Variants in UGP2 observed in about 807,000 individuals in gnomAD.
The protein encoded by UGP2 is UTP--glucose-1-phosphate uridylyltransferase.
UGP2 carries 40 observed loss-of-function variants against 49.0 expected under a neutral mutation model. The ratio of observed to expected loss-of-function variants is 0.82; its 90% confidence interval spans 0.63 to 1.06. UGP2 has a LOEUF of 1.06. Ranked by LOEUF, UGP2 falls within the 50% of genes least tolerant of loss-of-function variation. The pLI, the probability that UGP2 is intolerant of heterozygous loss-of-function variation, is 0.00. For missense variants in UGP2, 460 were observed against 603.5 expected, an observed-to-expected ratio of 0.76 and a Z score of 2.49; for synonymous variants, 225 against 213.0, an observed-to-expected ratio of 1.06 and a Z score of -0.49.
At chr2:63,883,778 A>C (rs1671479224) in intron 4 of UGP2, among the ~76,000 whole-genome samples, 182 bp from the exon 5 acceptor site, 1 of 152,238 alleles carries the variant, frequency 6.6e-6, no homozygotes. Context: ...GAGCAAGTGC[A>C]TGGTGAATTG....
chr2:63,880,739 A>G (rs960317448), intron 3 of UGP2, among the ~76,000 whole-genome samples: 1 of 152,014 alleles, frequency 6.6e-6, no homozygotes, highest in Admixed American at 6.5e-5. Flanking sequence ...AGTTGTTATC[A>G]CCCCTGCGTT....
intron 3 of UGP2, among the ~76,000 whole-genome samples, chr2:63,877,823 C>G (rs1349459793): frequency 6.6e-6 from 1 of 151,010 alleles, no homozygotes; most frequent in African/African-American, 2.4e-5. Flanking sequence ...GAAACCCCGT[C>G]TCTACTAAAA....
intron 3 of UGP2, 32 bp downstream of exon 3, chr2:63,857,968 G>A (rs1277192658): frequency 6.2e-7 from 1 of 1,600,936 alleles, no homozygotes; most frequent in East Asian, 2.2e-5. Flanking sequence ...GGAAAATGTA[G>A]GGTAATCTTG....
At chr2:63,871,331 G>A (rs1021015626) in intron 3 of UGP2, among the ~76,000 whole-genome samples, 1 of 152,080 alleles carries the variant, frequency 6.6e-6, no homozygotes, top group Non-Finnish European at 1.5e-5. Flanking sequence ...TACTGCCCAG[G>A]CTGGAGTGCA....
intron 1 of UGP2, among the ~76,000 whole-genome samples, chr2:63,852,503 G>C (rs2104263449): frequency 6.6e-6 from 1 of 152,298 alleles, no homozygotes. Flanking sequence ...CTTCAGCTTG[G>C]CTTTTGAGAC....
chr2:63,842,425 T>C, intron 1 of UGP2: 2 of 1,565,598 alleles, frequency 1.3e-6, no homozygotes, highest in Admixed American at 1.9e-5. Context: ...TAGTTTTGCC[T>C]CCCTGAAATC....
At chr2:63,886,224 T>G in intron 6 of UGP2, 117 bp from the exon 7 acceptor site, 2 of 1,044,678 alleles carry the variant, frequency 1.9e-6, no homozygotes, top group Admixed American at 4.5e-5. Context: ...TTATGAAAAT[T>G]TACTCTGTTT....
chr2:63,851,529 C>T (rs1241091703), intron 1 of UGP2, among the ~76,000 whole-genome samples: 1 of 152,108 alleles, frequency 6.6e-6, no homozygotes, highest in African/African-American at 2.4e-5. Flanking sequence ...CAGTTTGAGT[C>T]TTTGGGGATT....
chr2:63,855,648 C>A (rs1669361531), intron 1 of UGP2: 1 of 437,406 alleles, frequency 2.3e-6, no homozygotes, highest in South Asian at 1.6e-5. Flanking sequence ...CTCAAGGTAT[C>A]CTCCTGCTTC....
At position 63,886,433 on chromosome 2, in the gene UGP2, A is replaced by T; in HGVS notation, c.966A>T (p.Ser322=). Residue 322 remains serine (S), a synonymous_variant, in exon 7 of 10, where the codon TCA becomes TCT. Coordinates refer to ENST00000337130, the MANE Select transcript of UGP2 (RefSeq NM_006759.4). ...KAHVDEFKSV[S]KFKIFNTNNL... is the part of the protein sequence containing the mutation. ...ATGTAGACGAGTTCAAGTCTGTATCAAAGTTCAAAATATTTAATACAAACA... is the reference window on the plus strand; with the variant it reads ...ATGTAGACGAGTTCAAGTCTGTATCTAAGTTCAAAATATTTAATACAAACA... The T allele has an allele frequency of 6.2e-7, 1 of 1,614,214 alleles. No homozygotes were observed. Among genetic ancestry groups the T allele is most frequent in the African/African-American group, 1.3e-5 (1 of 75,050 alleles).
intron 1 of UGP2, among the ~76,000 whole-genome samples, chr2:63,848,780 TG>T (rs1334919459): frequency 6.6e-6 from 1 of 152,260 alleles, no homozygotes; most frequent in African/African-American, 2.4e-5. Flanking sequence ...GTTTTTTGAT[TG>T]GGTGACTTAT....
At chr2:63,852,600 A>T (rs2104263750) in intron 1 of UGP2, among the ~76,000 whole-genome samples, 1 of 152,336 alleles carries the variant, frequency 6.6e-6, no homozygotes, top group East Asian at 1.9e-4. Flanking sequence ...TGGGGGTTGC[A>T]GCTTAAGGAG....
intron 6 of UGP2, among the ~76,000 whole-genome samples, chr2:63,886,106 A>G (rs192255389): frequency 4.6e-5 from 7 of 152,346 alleles, no homozygotes; most frequent in Admixed American, 4.6e-4. Flanking sequence ...AAATAATTTC[A>G]TACATATTTA....
intron 1 of UGP2, among the ~76,000 whole-genome samples, chr2:63,852,390 G>A (rs1204404960): frequency 6.6e-6 from 1 of 152,206 alleles, no homozygotes; most frequent in Non-Finnish European, 1.5e-5. Context: ...GTACATTAAA[G>A]TTTTAGAAGA....
intron 3 of UGP2, among the ~76,000 whole-genome samples, chr2:63,879,005 TA>T (rs567927030): frequency 4.0e-3 from 569 of 141,430 alleles, no homozygotes; most frequent in East Asian, 4.1e-3. Context: ...TCACTGGAGG[TA>T]AAAAAAAAAA....
chr2:63,888,311 G>A (rs983621147), intron 8 of UGP2: 1 of 152,156 alleles, frequency 6.6e-6, no homozygotes, highest in African/African-American at 2.4e-5. Flanking sequence ...GTATGTTCTT[G>A]GAAACTGCCA....
intron 3 of UGP2, among the ~76,000 whole-genome samples, chr2:63,876,314 T>C (rs917084150): frequency 2.0e-5 from 3 of 152,120 alleles, no homozygotes; most frequent in African/African-American, 7.2e-5. Flanking sequence ...GAAAGTGTCC[T>C]GGCTTCCTGG....
At chr2:63,867,676 T>C (rs1025051609) in intron 3 of UGP2, among the ~76,000 whole-genome samples, 1 of 152,328 alleles carries the variant, frequency 6.6e-6, no homozygotes, top group African/African-American at 2.4e-5. Context: ...TATTTTTATA[T>C]GTTTGTTATC....
intron 3 of UGP2, among the ~76,000 whole-genome samples, chr2:63,873,651 A>G (rs942193161): frequency 2.0e-5 from 3 of 152,236 alleles, no homozygotes; most frequent in African/African-American, 7.2e-5. Context: ...GCAAGGCCTT[A>G]CAAGCAAGAG....
Sources: allele counts gnomAD v4.1 joint callset (sites outside exome capture counted in the v4.1 genomes callset), GRCh38; gene constraint gnomAD v4.1.1; transcripts MANE v1.5; gene names NCBI Gene and HGNC (gene_info 2026-07-23, HGNC 2026-07-21).